Variants in CCDC171 observed in about 807,000 individuals in gnomAD.
CCDC171 encodes coiled-coil domain containing 171, also known as coiled-coil domain-containing protein 171.
In CCDC171, 177 loss-of-function variants were observed where a neutral mutation model predicts 168.2. The observed-to-expected ratio is 1.05, with a 90% CI of 0.93 to 1.19. The LOEUF (loss-of-function observed/expected upper bound fraction) is 1.19. Among genes scored for constraint, CCDC171 ranks in the 50% most tolerant of loss-of-function variants. The pLI is 0.00. For missense variants in CCDC171, 1,991 were observed against 1,539.0 expected (o/e 1.29, Z -4.91); for synonymous variants, 687 against 540.8 (o/e 1.27, Z -3.75).
At position 15,874,376 on chromosome 9, in the gene CCDC171, T is replaced by C. The variant is rs529039474; in HGVS notation, c.3469-156T>C. 1.1e-4 allele frequency among the ~76,000 whole-genome samples: 16 copies of C among 152,264 alleles called. No homozygotes were observed. The South Asian group carries it at 3.3e-3, about 32-fold the overall frequency. ...CCCCCAGCACTCTGAATTAGAGATT[T>C]ATTTGCAACGAAAAATCAATTAGTC... On this transcript the variant is annotated intron_variant, in intron 23 of 25. Transcript: ENST00000380701.
At chr9:15,614,486 C>A (rs1005423999) in intron 6 of CCDC171, among the ~76,000 whole-genome samples, 1 of 152,088 alleles carries the variant, frequency 6.6e-6, no homozygotes, top group African/African-American at 2.4e-5. Context: ...TGGATTACTG[C>A]AAGTTTTTGG....
chr9:15,747,977 A>G (rs903307975), intron 18 of CCDC171, among the ~76,000 whole-genome samples: 1 of 151,998 alleles, frequency 6.6e-6, no homozygotes, highest in Non-Finnish European at 1.5e-5. Context: ...GTTCTAACCC[A>G]CTGCAAGGAA....
At chr9:15,565,601 A>G (rs904128446) in intron 2 of CCDC171, among the ~76,000 whole-genome samples, 31 of 152,340 alleles carry the variant, frequency 2.0e-4, no homozygotes, top group African/African-American at 6.0e-4. Context: ...TGAACAATTC[A>G]TGTGAATGGA....
At chr9:15,622,493 A>C (rs776303665) in intron 6 of CCDC171, among the ~76,000 whole-genome samples, 1 of 152,278 alleles carries the variant, frequency 6.6e-6, no homozygotes, top group Non-Finnish European at 1.5e-5. Context: ...ATAAATATTC[A>C]TGTGTGTTTG....
chr9:16,059,259 C>T (rs1468831116), intron 1 of CCDC171, among the ~76,000 whole-genome samples: 1 of 152,194 alleles, frequency 6.6e-6, no homozygotes, highest in African/African-American at 2.4e-5. Flanking sequence ...TTCTGTTTTA[C>T]ACTTAAAGGA....
chr9:15,745,521 A>G lies in CCDC171; in HGVS notation c.2561A>G (p.Gln854Arg). ...GATTTTTTCAATTTTATAGAACATC[A>G]AAAGGAGCAGTTGCGTTGTTTACAA... Reference protein sequence around the residue: ...PQDKHKFPKHQKEQLRCLQAL... With the variant: ...PQDKHKFPKHRKEQLRCLQAL... Residue 854 changes from glutamine (Q) to arginine (R), a missense_variant, in exon 18 of 26, where the codon CAA (glutamine) becomes CGA (arginine). Coordinates refer to ENST00000380701, the MANE Select transcript of CCDC171 (RefSeq NM_173550.4). 6.5e-7 allele frequency: 1 copy of G among 1,548,842 alleles called. No homozygotes were observed. Among genetic ancestry groups the G allele is most frequent in the East Asian group, 2.4e-5 (1 of 42,108 alleles).
chr9:15,743,124 G>A (rs1396056386), intron 16 of CCDC171, among the ~76,000 whole-genome samples: 1 of 144,388 alleles, frequency 6.9e-6, no homozygotes, highest in Non-Finnish European at 1.5e-5. Flanking sequence ...AAGGAAACTG[G>A]GATCTGTTAC....
intron 11 of CCDC171, among the ~76,000 whole-genome samples, chr9:15,709,520 A>G (rs1435647559): frequency 1.3e-5 from 2 of 152,212 alleles, no homozygotes; most frequent in Non-Finnish European, 2.9e-5. Flanking sequence ...GGCAAAAACT[A>G]GAGTAAATGA....
At chr9:15,572,721 G>C (rs887688427) in intron 3 of CCDC171, among the ~76,000 whole-genome samples, 3 of 152,102 alleles carry the variant, frequency 2.0e-5, no homozygotes, top group African/African-American at 7.2e-5. Flanking sequence ...AGATATTTTA[G>C]AACTAAAACA....
intron 24 of CCDC171, among the ~76,000 whole-genome samples, chr9:15,880,936 A>C (rs1818559861): frequency 6.6e-6 from 1 of 152,192 alleles, no homozygotes; most frequent in Non-Finnish European, 1.5e-5. Context: ...GCAAAGTCAT[A>C]TAGTTCATCT....
intron 25 of CCDC171, among the ~76,000 whole-genome samples, chr9:15,966,834 A>T (rs1830838397): frequency 6.6e-6 from 1 of 152,184 alleles, no homozygotes; most frequent in Admixed American, 6.5e-5. Flanking sequence ...TAAAAGTTAG[A>T]ACTGGTAACT....
At chr9:16,019,401 C>T (rs1456128776) in intron 3 of CCDC171, among the ~76,000 whole-genome samples, 2 of 152,168 alleles carry the variant, frequency 1.3e-5, no homozygotes, top group African/African-American at 4.8e-5. Context: ...CAAGTAGAGA[C>T]TAATTCCCTG....
intron 7 of CCDC171, 51 bp downstream of exon 7, chr9:15,623,464 T>TCGCGC: frequency 7.8e-6 from 6 of 765,034 alleles, no homozygotes; most frequent in Non-Finnish European, 1.2e-5. Context: ...CTTTCACATA[T>TCGCGC]GCGCGCGCGC....
At chr9:15,575,251 G>C (rs538159648) in intron 3 of CCDC171, among the ~76,000 whole-genome samples, 1 of 148,416 alleles carries the variant, frequency 6.7e-6, no homozygotes, top group East Asian at 2.0e-4. Flanking sequence ...CTGCAGCCTG[G>C]TCTCGAACTC....
At chr9:16,044,413 C>G (rs1001351371) in intron 1 of CCDC171, among the ~76,000 whole-genome samples, 3 of 151,546 alleles carry the variant, frequency 2.0e-5, no homozygotes, top group African/African-American at 7.3e-5. Context: ...TTTTTACATC[C>G]ATTGCTCATA....
the CCDC171 span, among the ~76,000 whole-genome samples, chr9:16,092,159 A>G: frequency 1.7e-4 from 26 of 152,362 alleles, no homozygotes; most frequent in Middle Eastern, 6.8e-3. Flanking sequence ...TTTGCTTATC[A>G]GCTCTGGGAC....
chr9:15,637,672 A>C (rs183457452), intron 7 of CCDC171, among the ~76,000 whole-genome samples: 74 of 127,114 alleles, frequency 5.8e-4, no homozygotes, highest in African/African-American at 2.0e-3. Flanking sequence ...TCCTGTGTCC[A>C]TGTGATCTCA....
At position 15,623,475 on chromosome 9, in the gene CCDC171, GCACACA is replaced by G. The variant is rs1554714957; in HGVS notation, c.822+89_822+94del. 9.8e-4 allele frequency: 308 copies of G among 315,322 alleles called. 5 individuals carry two copies. The highest frequency in any genetic ancestry group is 7.8e-3 in the Middle Eastern group (9 of 1,156). The allele number at this position is 315,322 out of a possible 1,614,324, so 19.5% of individuals were successfully genotyped here. On this transcript the variant is annotated intron_variant, in intron 7 of 25. Transcript: ENST00000380701. ...CAAACTTTCACATATGCGCGCGCGC[GCACACA>G]CACACACACACACACACACACACAC... is the stretch of plus-strand genomic sequence containing the variant.
chr9:15,954,992 G>T (rs747310866), intron 25 of CCDC171, among the ~76,000 whole-genome samples: 3 of 151,876 alleles, frequency 2.0e-5, no homozygotes, highest in South Asian at 2.1e-4. Context: ...CTGTTTCTCT[G>T]TATGCTTTGT....
Sources: allele counts gnomAD v4.1 joint callset (sites outside exome capture counted in the v4.1 genomes callset), GRCh38; gene constraint gnomAD v4.1.1; transcripts MANE v1.5; gene names NCBI Gene and HGNC (gene_info 2026-07-23, HGNC 2026-07-21).